GRIK3: variants seen among roughly 807,000 people sequenced by gnomAD.
GRIK3 encodes glutamate ionotropic receptor kainate type subunit 3.
In GRIK3, 29 loss-of-function variants were observed where a neutral mutation model predicts 102.5. The observed-to-expected ratio is 0.28, with a 90% CI of 0.21 to 0.39. The LOEUF (loss-of-function observed/expected upper bound fraction) is 0.39. Among genes scored for constraint, GRIK3 ranks in the 10% least tolerant of loss-of-function variants. GRIK3 has a pLI of 1.00. For synonymous variants in GRIK3, 511 were observed against 504.9 expected, an observed-to-expected ratio of 1.01 and a Z score of -0.16; for missense variants, 908 against 1,252.4, an observed-to-expected ratio of 0.73 and a Z score of 4.15.
At chr1:36,942,065 C>T (rs1461629755) in intron 1 of GRIK3, among the ~76,000 whole-genome samples, 2 of 152,210 alleles carry the variant, frequency 1.3e-5, no homozygotes, top group Non-Finnish European at 2.9e-5. Context: ...GCAGGAGCTC[C>T]AAGTTCAGTC....
At chr1:37,032,787 G>A (rs1642841974) in intron 1 of GRIK3, among the ~76,000 whole-genome samples, 1 of 152,186 alleles carries the variant, frequency 6.6e-6, no homozygotes, top group Admixed American at 6.5e-5. Context: ...CGGCTCCCGG[G>A]CGGCCGCCCA....
At chr1:36,814,639 TAC>T (rs755206891) in intron 13 of GRIK3, among the ~76,000 whole-genome samples, 1 of 151,132 alleles carries the variant, frequency 6.6e-6, no homozygotes, top group African/African-American at 2.4e-5. Flanking sequence ...CAGGCCATTA[TAC>T]ACACACACAC....
chr1:36,855,965 A>T (rs1160308622), intron 7 of GRIK3, among the ~76,000 whole-genome samples: 1 of 152,268 alleles, frequency 6.6e-6, no homozygotes, highest in Non-Finnish European at 1.5e-5. Flanking sequence ...GTGGGACAAG[A>T]CAGATTCGTT....
chr1:37,002,727 G>A (rs1642491555), intron 1 of GRIK3, among the ~76,000 whole-genome samples: 1 of 146,208 alleles, frequency 6.8e-6, no homozygotes, highest in Non-Finnish European at 1.5e-5. Flanking sequence ...CACCCAGGCT[G>A]GAGTGCAGGG....
rs1367300400 is a variant in GRIK3 at position 36,999,002 on chromosome 1, GTGTGTA to G, written c.115+34986_115+34991del. ...GAAGTGTGTGTGTGTGTGTGTGTGT[GTGTGTA>G]TGTGTGTGTGTGTTGGGGGTGGGGA... On this transcript the variant is annotated intron_variant, in intron 1 of 15. Coordinates refer to ENST00000373091, the MANE Select transcript of GRIK3 (RefSeq NM_000831.4). Among the ~76,000 whole-genome samples, 449 of 62,064 alleles carry G rather than the reference GTGTGTA, an allele frequency of 7.2e-3. 3 individuals carry two copies. The highest frequency in any genetic ancestry group is 0.011 in the African/African-American group (112 of 10,042). The allele number at this position is 62,064 out of a possible 152,430, so 40.7% of individuals were successfully genotyped here. A position where few individuals can be genotyped will look rare whatever the true frequency, so the allele number is the denominator to read the frequency against.
intron 1 of GRIK3, among the ~76,000 whole-genome samples, chr1:36,993,776 T>C (rs1166465905): frequency 6.6e-6 from 1 of 152,186 alleles, no homozygotes; most frequent in African/African-American, 2.4e-5. Flanking sequence ...TCATGCCTCC[T>C]TCCAGGGGTG....
intron 1 of GRIK3, among the ~76,000 whole-genome samples, chr1:36,933,630 A>G (rs1557430569): frequency 1.3e-5 from 2 of 152,320 alleles, no homozygotes; most frequent in Admixed American, 6.5e-5. Flanking sequence ...TCAAAGGTAC[A>G]CTATCTCTAG....
At chr1:36,995,722 G>A (rs1642412478) in intron 1 of GRIK3, among the ~76,000 whole-genome samples, 1 of 152,176 alleles carries the variant, frequency 6.6e-6, no homozygotes, top group African/African-American at 2.4e-5. Context: ...CACACTGCCA[G>A]AAACAGGGGC....
intron 3 of GRIK3, among the ~76,000 whole-genome samples, chr1:36,877,043 G>C (rs187426529): frequency 1.3e-4 from 20 of 152,296 alleles, no homozygotes; most frequent in African/African-American, 4.3e-4. Context: ...TACCTGCCCA[G>C]TGATCACAGG....
chr1:36,896,060 A>G (rs1230243066), intron 1 of GRIK3, among the ~76,000 whole-genome samples: 1 of 152,208 alleles, frequency 6.6e-6, no homozygotes, highest in Non-Finnish European at 1.5e-5. Context: ...AGAAATAAAG[A>G]CTTTCTCTGA....
chr1:37,000,450 CAG>C (rs1642465238), intron 1 of GRIK3, among the ~76,000 whole-genome samples: 1 of 151,920 alleles, frequency 6.6e-6, no homozygotes, highest in South Asian at 2.1e-4. Flanking sequence ...AAATGAAGTT[CAG>C]AGAGGAAAAT....
At chr1:36,848,037 T>C (rs1640537349) in intron 9 of GRIK3, among the ~76,000 whole-genome samples, 1 of 152,188 alleles carries the variant, frequency 6.6e-6, no homozygotes, top group South Asian at 2.1e-4. Context: ...GTCGGGGATC[T>C]TTGCAAGAAG....
intron 13 of GRIK3, among the ~76,000 whole-genome samples, chr1:36,812,844 T>G (rs1642579037): frequency 6.6e-6 from 1 of 152,240 alleles, no homozygotes; most frequent in South Asian, 2.1e-4. Flanking sequence ...TGTCCTGCAC[T>G]CTGGACCTTC....
chr1:36,907,062 T>A (rs1641291381), intron 1 of GRIK3, among the ~76,000 whole-genome samples: 2 of 152,164 alleles, frequency 1.3e-5, no homozygotes, highest in South Asian at 4.1e-4. Context: ...AAACATAAAA[T>A]TAATTCAAAA....
chr1:37,000,717 T>A (rs1642468263), intron 1 of GRIK3, among the ~76,000 whole-genome samples: 1 of 152,138 alleles, frequency 6.6e-6, no homozygotes, highest in African/African-American at 2.4e-5. Context: ...AATATTCAAC[T>A]CCATGGCTGT....
rs745659822 is a variant in GRIK3, at chr1:36,872,237, C to T, written c.683G>A (p.Arg228His). The T allele has an allele frequency of 5.0e-6, 8 of 1,611,570 alleles. No individual in the cohort carries two copies. Among genetic ancestry groups the T allele is most frequent in the Middle Eastern group, 1.6e-4 (1 of 6,080 alleles). The change falls in exon 4 of 16, where the codon CGC becomes CAC. Residue 228 changes from arginine to histidine, a missense_variant. This residue lies in a region of GRIK3 where 585 missense variants were observed against 824.9 expected (regional missense o/e 0.71). Transcript: ENST00000373091. This position sits in a 1 kb window ranked among gnomAD's most constrained non-coding sequence, Gnocchi z 5.9. ...AGTGTGGCTGCAGTCGAAGATAATG[C>T]GGAATTCCCGGCCTCGCTTCATCTC... The part of the protein sequence containing the change: ...LKEMKRGREF[R>H]IIFDCSHTMA...
chr1:36,833,673 G>C (rs993782905), intron 10 of GRIK3, among the ~76,000 whole-genome samples: 1 of 152,240 alleles, frequency 6.6e-6, no homozygotes, highest in Non-Finnish European at 1.5e-5. Context: ...AGGAAGATGA[G>C]ACACAGCGGG....
intron 13 of GRIK3, among the ~76,000 whole-genome samples, chr1:36,810,147 A>C (rs968416708): frequency 5.9e-5 from 9 of 152,138 alleles, no homozygotes; most frequent in African/African-American, 2.2e-4. Context: ...GGCTTGTCTA[A>C]GCAGGGATAG....
intron 1 of GRIK3, among the ~76,000 whole-genome samples, chr1:36,917,814 C>T (rs1384677175): frequency 1.3e-5 from 2 of 152,192 alleles, no homozygotes; most frequent in African/African-American, 4.8e-5. Context: ...AGGAAAATGT[C>T]ATTCAGGCCT....
Sources: allele counts gnomAD v4.1 joint callset (sites outside exome capture counted in the v4.1 genomes callset), GRCh38; gene constraint gnomAD v4.1.1; regional missense constraint gnomAD v4.1.1; non-coding constraint Gnocchi (gnomAD v3.1); transcripts MANE v1.5; gene names NCBI Gene and HGNC (gene_info 2026-07-23, HGNC 2026-07-21).